Variants in SLC22A3 observed in about 807,000 individuals in gnomAD.
SLC22A3 encodes solute carrier family 22 member 3.
SLC22A3 carries 51 observed loss-of-function variants against 59.1 expected under a neutral mutation model. The observed-to-expected ratio is 0.86, with a 90% CI of 0.69 to 1.09. The LOEUF (loss-of-function observed/expected upper bound fraction) is 1.09. SLC22A3 is among the 50% of genes least tolerant of loss of function. The pLI is 0.00. For missense variants in SLC22A3, 711 were observed against 726.3 expected (o/e 0.98, Z 0.24); for synonymous variants, 325 against 292.0 (o/e 1.11, Z -1.15).
chr6:160,387,460 G>T (rs1472190101), intron 1 of SLC22A3, among the ~76,000 whole-genome samples: 1 of 152,172 alleles, frequency 6.6e-6, no homozygotes, highest in South Asian at 2.1e-4. Context: ...GGCTCCCAAG[G>T]AAATACATGT....
intron 1 of SLC22A3, among the ~76,000 whole-genome samples, chr6:160,396,467 G>A (rs1245751389): frequency 1.3e-5 from 2 of 152,110 alleles, no homozygotes; most frequent in Admixed American, 6.5e-5. Flanking sequence ...GCATACAGCT[G>A]AGAAGGAGGT....
Position 160,348,790 on chromosome 6 carries a change from T to A in SLC22A3, c.371T>A (p.Leu124His). The A allele has an allele frequency of 6.4e-7, 1 of 1,573,376 alleles. No individual in the cohort carries two copies. Among genetic ancestry groups the A allele is most frequent in the Non-Finnish European group, 8.6e-7 (1 of 1,167,574 alleles). Reference protein sequence around the residue: ...LAAFPNRSAPLVPCRGGWRYA... With the variant: ...LAAFPNRSAPHVPCRGGWRYA... The stretch of plus-strand genomic sequence containing the variant: ...GCCTTCCCCAACCGCTCGGCTCCCC[T>A]TGTGCCGTGCCGCGGCGGCTGGCGC... Residue 124 changes from leucine to histidine, a missense_variant, in exon 1 of 11, where the codon CTT (leucine) becomes CAT (histidine). Physicochemically the swap from Leu to His is moderately conservative, Grantham distance 99 (BLOSUM62 -3). Transcript: ENST00000275300.
At chr6:160,392,811 G>A (rs1786314070) in intron 1 of SLC22A3, among the ~76,000 whole-genome samples, 1 of 152,082 alleles carries the variant, frequency 6.6e-6, no homozygotes, top group Non-Finnish European at 1.5e-5. Flanking sequence ...AATGGAAGTT[G>A]CCCATGGAGG....
intron 1 of SLC22A3, among the ~76,000 whole-genome samples, chr6:160,394,617 T>G (rs1786398204): frequency 6.6e-6 from 1 of 152,236 alleles, no homozygotes; most frequent in Non-Finnish European, 1.5e-5. Context: ...TTGCTTTATT[T>G]TCTACCTTTG....
At chr6:160,378,395 G>T (rs1391836853) in intron 1 of SLC22A3, among the ~76,000 whole-genome samples, 2 of 152,216 alleles carry the variant, frequency 1.3e-5, no homozygotes, top group African/African-American at 2.4e-5. Context: ...ATTAGAAAAT[G>T]TAGGCTTTGG....
chr6:160,442,931 A>G, intron 8 of SLC22A3, 62 bp downstream of exon 8: 1 of 1,302,560 alleles, frequency 7.7e-7, no homozygotes. Context: ...TTTTAAGTTG[A>G]TTTAGTTAAA....
At chr6:160,438,214 C>T (rs889066612) in intron 7 of SLC22A3, among the ~76,000 whole-genome samples, 1 of 152,116 alleles carries the variant, frequency 6.6e-6, no homozygotes, top group African/African-American at 2.4e-5. Context: ...GCCGTGACTC[C>T]TGATGTGTGG....
At chr6:160,412,597 T>C (rs148985644) in intron 5 of SLC22A3, among the ~76,000 whole-genome samples, 5 of 152,338 alleles carry the variant, frequency 3.3e-5, no homozygotes, top group Admixed American at 3.3e-4. Flanking sequence ...AGCATGATCT[T>C]TTTAAACCAC....
intron 5 of SLC22A3, among the ~76,000 whole-genome samples, chr6:160,413,899 T>C (rs1024609333): frequency 1.3e-5 from 2 of 152,202 alleles, no homozygotes; most frequent in African/African-American, 4.8e-5. Flanking sequence ...GATTATGAAT[T>C]GTTGATCTCT....
At chr6:160,417,944 A>G (rs1787569258) in intron 5 of SLC22A3, among the ~76,000 whole-genome samples, 1 of 152,226 alleles carries the variant, frequency 6.6e-6, no homozygotes, top group Non-Finnish European at 1.5e-5. Context: ...GCCCACAAAC[A>G]CATGAGATAA....
intron 7 of SLC22A3, 49 bp downstream of exon 7, chr6:160,437,260 T>A: frequency 6.4e-7 from 1 of 1,572,728 alleles, no homozygotes; most frequent in Non-Finnish European, 8.7e-7. Context: ...TGAAAACACC[T>A]AAATCCACAA....
chr6:160,352,950 AGCT>A (rs1784709864), intron 1 of SLC22A3, among the ~76,000 whole-genome samples: 2 of 152,174 alleles, frequency 1.3e-5, no homozygotes, highest in African/African-American at 4.8e-5. Context: ...CCTCCTGAGT[AGCT>A]GGGATTACAG....
intron 1 of SLC22A3, among the ~76,000 whole-genome samples, chr6:160,390,990 A>G (rs1786233507): frequency 6.6e-6 from 1 of 151,788 alleles, no homozygotes; most frequent in Non-Finnish European, 1.5e-5. Context: ...CATCACCCCA[A>G]TCTCTGTCTC....
At chr6:160,397,266 C>T (rs1019459072) in intron 1 of SLC22A3, among the ~76,000 whole-genome samples, 4 of 152,088 alleles carry the variant, frequency 2.6e-5, no homozygotes, top group African/African-American at 9.7e-5. Flanking sequence ...AGGGTTCACG[C>T]TCCTATGAGA....
chr6:160,433,213 T>C (rs941723480), intron 5 of SLC22A3, among the ~76,000 whole-genome samples: 4 of 152,214 alleles, frequency 2.6e-5, no homozygotes, highest in African/African-American at 9.7e-5. Context: ...ATAAGATCTT[T>C]ATTTTCTTGT....
intron 1 of SLC22A3, among the ~76,000 whole-genome samples, chr6:160,364,380 G>C (rs980053427): frequency 5.3e-5 from 8 of 152,206 alleles, no homozygotes; most frequent in Admixed American, 3.3e-4. Context: ...AGAGCCAGGA[G>C]GTGTGAAGCA....
chr6:160,398,817 CT>C (rs1786633048), intron 2 of SLC22A3, among the ~76,000 whole-genome samples: 1 of 152,120 alleles, frequency 6.6e-6, no homozygotes, highest in African/African-American at 2.4e-5. Flanking sequence ...GGAATATAGA[CT>C]GGAAATTGCT....
At chr6:160,401,033 A>T (rs1175540969) in intron 2 of SLC22A3, among the ~76,000 whole-genome samples, 1 of 151,658 alleles carries the variant, frequency 6.6e-6, no homozygotes, top group African/African-American at 2.4e-5. Flanking sequence ...CAACCACCTG[A>T]AAAAGCAGAA....
intron 1 of SLC22A3, 152 bp downstream of exon 1, chr6:160,349,000 C>T (rs891084182): frequency 1.3e-5 from 19 of 1,491,196 alleles, no homozygotes; most frequent in Non-Finnish European, 1.7e-5. Context: ...ATTCAGCGCA[C>T]CCTTGGAAGT....
Sources: allele counts gnomAD v4.1 joint callset (sites outside exome capture counted in the v4.1 genomes callset), GRCh38; gene constraint gnomAD v4.1.1; transcripts MANE v1.5; gene names NCBI Gene and HGNC (gene_info 2026-07-23, HGNC 2026-07-21).